Variants in COL24A1 observed in about 807,000 individuals in gnomAD.
COL24A1 encodes the protein collagen type XXIV alpha 1 chain, also known as collagen alpha-1(XXIV) chain.
COL24A1 carries 224 observed loss-of-function variants against 253.9 expected under a neutral mutation model. The ratio of observed to expected loss-of-function variants is 0.88; its 90% CI spans 0.79 to 0.99. The LOEUF is 0.99. Among genes scored for constraint, COL24A1 ranks in the 50% least tolerant of loss-of-function variants. The pLI is 0.00. For synonymous variants in COL24A1, 685 were observed against 673.7 expected, an observed-to-expected ratio of 1.02 and a Z score of -0.26; for missense variants, 2,131 against 2,068.5, an observed-to-expected ratio of 1.03 and a Z score of -0.59.
chr1:85,982,811 C>G (rs1411790911), intron 20 of COL24A1, among the ~76,000 whole-genome samples: 1 of 151,948 alleles, frequency 6.6e-6, no homozygotes, highest in Non-Finnish European at 1.5e-5. Flanking sequence ...AAACACAGTA[C>G]CCTTCCCATT....
chr1:85,776,712 T>C (rs1166226493), intron 52 of COL24A1, among the ~76,000 whole-genome samples: 5 of 151,978 alleles, frequency 3.3e-5, no homozygotes, highest in Admixed American at 1.3e-4. Context: ...GAGATACCCT[T>C]ACAGTCTAAA....
chr1:86,067,974 G>A (rs1701614262), intron 7 of COL24A1, among the ~76,000 whole-genome samples: 1 of 152,142 alleles, frequency 6.6e-6, no homozygotes, highest in African/African-American at 2.4e-5. Flanking sequence ...AATGACAATA[G>A]GAAAATTTAC....
chr1:85,880,217 T>A (rs1334916952), intron 32 of COL24A1, among the ~76,000 whole-genome samples: 1 of 152,210 alleles, frequency 6.6e-6, no homozygotes, highest in African/African-American at 2.4e-5. Flanking sequence ...CTCATATAGA[T>A]CTTGTATATA....
At chr1:86,008,576 C>T (rs1044991519) in intron 19 of COL24A1, among the ~76,000 whole-genome samples, 16 of 152,072 alleles carry the variant, frequency 1.1e-4, no homozygotes, top group African/African-American at 3.9e-4. Context: ...ATAATGTTTC[C>T]ACTAACACCA....
At chr1:85,865,562 C>T (rs7554796) in intron 37 of COL24A1, among the ~76,000 whole-genome samples, 29,449 of 152,068 alleles carry the variant, frequency 0.19, 3,215 homozygotes, top group Non-Finnish European at 0.24. Context: ...CTGCTCTACT[C>T]GTCACCAGCT....
chr1:86,029,821 CG>C (rs1698391110), intron 14 of COL24A1: 1 of 151,538 alleles, frequency 6.6e-6, no homozygotes, highest in African/African-American at 2.4e-5. Flanking sequence ...TTTTTTTCAA[CG>C]TTTTTTATTT....
At chr1:86,140,642 G>A (rs1650941610) in intron 2 of COL24A1, among the ~76,000 whole-genome samples, 1 of 152,224 alleles carries the variant, frequency 6.6e-6, no homozygotes, top group African/African-American at 2.4e-5. Flanking sequence ...TCATGAACCT[G>A]AGAAAGATGT....
chr1:85,776,923 A>T (rs1267099202), intron 52 of COL24A1, among the ~76,000 whole-genome samples: 1 of 151,902 alleles, frequency 6.6e-6, no homozygotes, highest in Non-Finnish European at 1.5e-5. Flanking sequence ...CCAGGGTATT[A>T]ACTTAAAAAA....
At chr1:85,960,553 G>C (rs2074082727) in intron 24 of COL24A1, among the ~76,000 whole-genome samples, 1 of 151,930 alleles carries the variant, frequency 6.6e-6, no homozygotes, top group African/African-American at 2.4e-5. Context: ...CTATCTTCAA[G>C]CTATTAAATT....
intron 10 of COL24A1, among the ~76,000 whole-genome samples, chr1:86,053,724 T>C (rs1425463454): frequency 6.6e-6 from 1 of 151,964 alleles, no homozygotes; most frequent in Non-Finnish European, 1.5e-5. Context: ...CAAAGAAGGG[T>C]TTAAAAATTA....
intron 5 of COL24A1, among the ~76,000 whole-genome samples, chr1:86,111,648 T>C (rs12057874): frequency 0.17 from 26,358 of 152,044 alleles, 2,382 homozygotes; most frequent in South Asian, 0.25. Context: ...TTCCACACTG[T>C]GGAAGCTTTG....
At chr1:85,840,885 G>A (rs1676536944) in intron 42 of COL24A1, among the ~76,000 whole-genome samples, 2 of 152,032 alleles carry the variant, frequency 1.3e-5, no homozygotes, top group Non-Finnish European at 2.9e-5. Flanking sequence ...ATCTGAATGT[G>A]ATAATTACAG....
intron 32 of COL24A1, among the ~76,000 whole-genome samples, chr1:85,885,397 A>ATATATATATATT (rs60994639): frequency 1.8e-4 from 23 of 128,908 alleles, no homozygotes; most frequent in Non-Finnish European, 2.9e-4. Flanking sequence ...ATATATATAT[A>ATATATATATATT]TTTTTTTTTT....
At chr1:85,910,661 T>C (rs2062760) in intron 25 of COL24A1, among the ~76,000 whole-genome samples, 8,184 of 152,058 alleles carry the variant, frequency 0.054, 532 homozygotes, top group Admixed American at 0.19. Context: ...AATCAATAAG[T>C]ATATATTAAG....
intron 47 of COL24A1, among the ~76,000 whole-genome samples, chr1:85,792,919 C>T (rs1670441005): frequency 6.6e-6 from 1 of 151,882 alleles, no homozygotes; most frequent in Admixed American, 6.6e-5. Flanking sequence ...GGATCATGAT[C>T]ATAATATAAA....
intron 8 of COL24A1, among the ~76,000 whole-genome samples, chr1:86,060,719 A>T (rs779466373): frequency 6.6e-6 from 1 of 152,066 alleles, no homozygotes; most frequent in African/African-American, 2.4e-5. Flanking sequence ...CTACATTTAA[A>T]GAACCTAAGA....
At chr1:85,847,433 A>G (rs1229774753) in intron 39 of COL24A1, among the ~76,000 whole-genome samples, 2 of 152,126 alleles carry the variant, frequency 1.3e-5, no homozygotes, top group African/African-American at 4.8e-5. Context: ...CTCATTTCAT[A>G]TTTTATTTCC....
chr1:85,783,704 C>T, intron 50 of COL24A1, 146 bp from the exon 51 acceptor site: 2 of 694,360 alleles, frequency 2.9e-6, no homozygotes, highest in East Asian at 5.4e-5. Context: ...AGGAAGTGTA[C>T]TGAGGCCTAC....
chr1:85,780,899 G>C (rs1003637671), intron 52 of COL24A1, among the ~76,000 whole-genome samples: 3 of 151,948 alleles, frequency 2.0e-5, no homozygotes, highest in Admixed American at 2.0e-4. Flanking sequence ...CACATCTTTT[G>C]CTATCTATGT....
Sources: gnomAD v4.1 joint callset for allele counts (sites outside exome capture counted in the v4.1 genomes callset) on GRCh38, gnomAD v4.1.1 for gene constraint, MANE v1.5 for transcripts, NCBI Gene and HGNC (gene_info 2026-07-23, HGNC 2026-07-21) for gene names.